Variants in PALLD observed in about 807,000 individuals in gnomAD.
The protein encoded by PALLD is palladin.
PALLD carries 61 observed loss-of-function variants against 123.5 expected under a neutral mutation model. The ratio of observed to expected loss-of-function variants is 0.49; its 90% confidence interval spans 0.40 to 0.61. The LOEUF is 0.61. Ranked by LOEUF, PALLD falls within the 20% of genes least tolerant of loss-of-function variation. The pLI, the probability that PALLD is intolerant of heterozygous loss-of-function variation, is 0.00. For missense variants in PALLD, 1,273 were observed against 1,377.0 expected (o/e 0.92, Z 1.20); for synonymous variants, 465 against 496.4 (o/e 0.94, Z 0.84).
chr4:168,794,656 G>A (rs962471512), intron 10 of PALLD, among the ~76,000 whole-genome samples: 1 of 152,060 alleles, frequency 6.6e-6, no homozygotes, highest in African/African-American at 2.4e-5. Context: ...TTAGCCTCTC[G>A]GTATGGTGGC....
chr4:168,910,515 CT>C (rs986696555), intron 15 of PALLD, among the ~76,000 whole-genome samples: 24 of 152,088 alleles, frequency 1.6e-4, no homozygotes, highest in African/African-American at 5.8e-4. Flanking sequence ...ATAAACAATT[CT>C]AAAGGATGCC....
rs904509736 is a variant in PALLD at position 168,855,194 on chromosome 4, G to A, written c.1965-35728G>A. On this transcript the variant is annotated intron_variant, in intron 10 of 21. Coordinates refer to ENST00000505667, the MANE Select transcript of PALLD (RefSeq NM_001166108.2). ...CAAGCTCCGCCTCCCGGGTTCAAGC[G>A]ATTCTCCTGCCTCAGCCTCCAAAGT... Among the ~76,000 whole-genome samples, 8 of 146,760 alleles carry A rather than the reference G, an allele frequency of 5.5e-5. No homozygotes were observed. In the East Asian group the frequency reaches 1.0e-3, roughly 18 times the overall value.
intron 10 of PALLD, among the ~76,000 whole-genome samples, chr4:168,886,055 T>C (rs1165293683): frequency 6.6e-6 from 1 of 152,232 alleles, no homozygotes; most frequent in East Asian, 1.9e-4. Flanking sequence ...ATATAAGCAA[T>C]TAATGTTACA....
At chr4:168,699,991 C>G (rs1783519544) in intron 8 of PALLD, 1 of 235,172 alleles carries the variant, frequency 4.3e-6, no homozygotes, top group Non-Finnish European at 8.7e-6. Flanking sequence ...TTTCTGATTT[C>G]CATTCCTTAC....
intron 3 of PALLD, among the ~76,000 whole-genome samples, chr4:168,673,620 A>G (rs1269321994): frequency 6.6e-6 from 1 of 152,182 alleles, no homozygotes; most frequent in African/African-American, 2.4e-5. Context: ...GTAGAAGCCT[A>G]TTGCAGCAGG....
At chr4:168,877,796 C>T in intron 10 of PALLD, 7 of 1,230,404 alleles carry the variant, frequency 5.7e-6, no homozygotes, top group Non-Finnish European at 7.1e-6. Context: ...GCAGCCTCCG[C>T]CAGCCCCGCG....
At chr4:168,747,409 G>A (rs115929911) in intron 10 of PALLD, among the ~76,000 whole-genome samples, 87 of 152,344 alleles carry the variant, frequency 5.7e-4, no homozygotes, top group African/African-American at 1.9e-3. Context: ...AACAGTAAAG[G>A]CAAACAGGAT....
At chr4:168,918,253 AGC>A (rs1760643990) in intron 17 of PALLD, among the ~76,000 whole-genome samples, 1 of 151,796 alleles carries the variant, frequency 6.6e-6, no homozygotes, top group Non-Finnish European at 1.5e-5. Context: ...TGTTCATTGC[AGC>A]ACTATTCATA....
intron 17 of PALLD, among the ~76,000 whole-genome samples, chr4:168,919,572 G>GA (rs1198277536): frequency 3.8e-3 from 543 of 144,008 alleles, no homozygotes; most frequent in Middle Eastern, 0.014. Context: ...GATAGATCAG[G>GA]AAAAAAAAAA....
intron 2 of PALLD, among the ~76,000 whole-genome samples, chr4:168,576,824 T>C (rs892222053): frequency 6.6e-6 from 1 of 152,140 alleles, no homozygotes. Flanking sequence ...ACTTCCACAA[T>C]GGTTGAACTA....
At chr4:168,699,545 AGTT>A (rs1487429440) in intron 8 of PALLD, among the ~76,000 whole-genome samples, 1 of 150,648 alleles carries the variant, frequency 6.6e-6, no homozygotes, top group Non-Finnish European at 1.5e-5. Flanking sequence ...AAAAAAAAAC[AGTT>A]GCAAAGGAAG....
intron 11 of PALLD, 104 bp downstream of exon 11, chr4:168,891,161 T>TCA: frequency 1.8e-6 from 2 of 1,087,744 alleles, no homozygotes; most frequent in Non-Finnish European, 2.8e-6. Context: ...AACATCATCA[T>TCA]TATTATTATT....
intron 10 of PALLD, among the ~76,000 whole-genome samples, chr4:168,811,619 C>A (rs1453698211): frequency 6.6e-6 from 1 of 152,030 alleles, no homozygotes; most frequent in Non-Finnish European, 1.5e-5. Context: ...GCCTGTAGTC[C>A]CCGCTACTCA....
At chr4:168,685,255 G>C (rs1781919274) in intron 5 of PALLD, among the ~76,000 whole-genome samples, 1 of 152,156 alleles carries the variant, frequency 6.6e-6, no homozygotes, top group African/African-American at 2.4e-5. Flanking sequence ...AAGGACCCAG[G>C]GAACTTTTAC....
At chr4:168,745,000 G>C (rs1215282950) in intron 10 of PALLD, among the ~76,000 whole-genome samples, 1 of 152,116 alleles carries the variant, frequency 6.6e-6, no homozygotes, top group Non-Finnish European at 1.5e-5. Context: ...CTAAGTCAAG[G>C]AGCATCTGTA....
intron 10 of PALLD, among the ~76,000 whole-genome samples, chr4:168,872,462 T>A (rs896612427): frequency 2.0e-5 from 3 of 152,246 alleles, no homozygotes; most frequent in African/African-American, 7.2e-5. Context: ...TAAAGAAACC[T>A]ATGTCCTTTT....
intron 3 of PALLD, among the ~76,000 whole-genome samples, chr4:168,673,250 G>T (rs914368780): frequency 2.0e-5 from 3 of 152,212 alleles, no homozygotes; most frequent in East Asian, 1.9e-4. Flanking sequence ...TCCAGCAGCA[G>T]CAAGTGCTGT....
At chr4:168,829,177 A>C (rs1743841610) in intron 10 of PALLD, 1 of 152,234 alleles carries the variant, frequency 6.6e-6, no homozygotes, top group South Asian at 2.1e-4. Context: ...AAACATTGGA[A>C]TATTCAGTGT....
chr4:168,862,635 G>A (rs1338482789), intron 10 of PALLD, among the ~76,000 whole-genome samples: 1 of 152,134 alleles, frequency 6.6e-6, no homozygotes, highest in Non-Finnish European at 1.5e-5. Context: ...TTGTTACAGG[G>A]TAAGAAACTA....
Sources: allele counts gnomAD v4.1 joint callset (sites outside exome capture counted in the v4.1 genomes callset), GRCh38; gene constraint gnomAD v4.1.1; transcripts MANE v1.5; gene names NCBI Gene and HGNC (gene_info 2026-07-23, HGNC 2026-07-21).